Variants in FASTKD2 observed in about 807,000 individuals in gnomAD.
FASTKD2 encodes FAST kinase domains 2, also known as FAST kinase domain-containing protein 2, mitochondrial.
In FASTKD2, 51 loss-of-function variants were observed where a neutral mutation model predicts 63.6. The observed-to-expected ratio is 0.80, with a 90% CI of 0.64 to 1.01. The LOEUF is 1.01. Among genes scored for constraint, FASTKD2 ranks in the 50% least tolerant of loss-of-function variants. The pLI, the probability that FASTKD2 is intolerant of heterozygous loss-of-function variation, is 0.00. For synonymous variants in FASTKD2, 284 were observed against 293.4 expected, an observed-to-expected ratio of 0.97 and a Z score of 0.33; for missense variants, 786 against 831.1, an observed-to-expected ratio of 0.95 and a Z score of 0.67.
At chr2:206,790,910 T>G in intron 11 of FASTKD2, 2 of 509,202 alleles carry the variant, frequency 3.9e-6, no homozygotes, top group Middle Eastern at 5.6e-4. Context: ...ACAAATGTTG[T>G]TCTGGTCAGC....
chr2:206,785,251 A>T (rs775386800), intron 7 of FASTKD2, among the ~76,000 whole-genome samples: 2 of 152,218 alleles, frequency 1.3e-5, no homozygotes, highest in Non-Finnish European at 2.9e-5. Flanking sequence ...AGGAGCTACA[A>T]TTCAAAATGA....
Position 206,782,863 on chromosome 2 carries a change from G to T in FASTKD2, c.1428-3870G>T, listed in dbSNP as rs1238389210. ...ATCTATGTCAAGTTCTTATGACAAT[G>T]CCCAGCACATAGTAATTTTTAGATT... On this transcript the variant is annotated intron_variant, in intron 7 of 11. Transcript: ENST00000402774. Among the ~76,000 whole-genome samples the T allele has an allele frequency of 3.3e-5, 5 of 152,190 alleles. No homozygotes were observed. In the South Asian group the frequency reaches 8.3e-4, roughly 25 times the overall value.
Position 206,766,780 on chromosome 2 carries a change from A to C in FASTKD2, c.87A>C (p.Arg29Ser). The change falls in exon 2 of 12, where the codon AGA (arginine) becomes AGC (serine). Residue 29 changes from arginine to serine, a missense_variant. Coordinates refer to ENST00000402774, the MANE Select transcript of FASTKD2 (RefSeq NM_001136193.2). ...CGGGCTCCTTTTTCTGGAACCTTAG[A>C]CAATTCAGTACATTAGTTTCAACAA... Reference protein sequence around the residue: ...NKAGSFFWNLRQFSTLVSTSR... With the variant: ...NKAGSFFWNLSQFSTLVSTSR... 6.2e-7 allele frequency: 1 copy of C among 1,613,710 alleles called. No individual in the cohort carries two copies. Among genetic ancestry groups the C allele is most frequent in the Non-Finnish European group, 8.5e-7 (1 of 1,179,814 alleles).
At position 206,765,637 on chromosome 2, in the gene FASTKD2, A is replaced by T; in HGVS notation, c.-161A>T. On this transcript the variant is annotated 5_prime_UTR_variant, in exon 1 of 12. Coordinates refer to ENST00000402774, the MANE Select transcript of FASTKD2 (RefSeq NM_001136193.2). ...GTCATGGCTGCTCCTGTACGTAGTC[A>T]CGGTCTTGTGCTCTAAGGTGAGTGG... 4.5e-6 allele frequency: 3 copies of T among 670,626 alleles called. No individual in the cohort carries two copies. The highest frequency in any genetic ancestry group is 5.7e-6 in the Non-Finnish European group (3 of 529,368). 41.5% of individuals were successfully genotyped at this position (670,626 alleles called of 1,614,324 possible).
At position 206,791,908 on chromosome 2, in the gene FASTKD2, G is replaced by A. The variant is rs568352451; in HGVS notation, c.*106G>A. 1 of 975,710 alleles carries A rather than the reference G, an allele frequency of 1.0e-6. No homozygotes were observed. The highest frequency in any genetic ancestry group is 1.6e-5 in the African/African-American group (1 of 61,696). 60.4% of individuals were successfully genotyped at this position (975,710 alleles called of 1,614,324 possible). On this transcript the variant is annotated 3_prime_UTR_variant, in exon 12 of 12. Coordinates refer to ENST00000402774, the MANE Select transcript of FASTKD2 (RefSeq NM_001136193.2). Reference sequence around the variant, plus strand: ...TGAGCTATCTGCTAAGACAAAAAATGTTACCTCAGTTCACTATTAAAATTA... The same window carrying A: ...TGAGCTATCTGCTAAGACAAAAAATATTACCTCAGTTCACTATTAAAATTA...
chr2:206,781,099 A>G (rs1379285139), intron 7 of FASTKD2, among the ~76,000 whole-genome samples: 1 of 151,846 alleles, frequency 6.6e-6, no homozygotes, highest in African/African-American at 2.4e-5. Context: ...CATCTCTTTA[A>G]TGTTGATTAC....
Position 206,774,389 on chromosome 2 carries a change from G to T in FASTKD2, c.1419G>T (p.Gln473His). The T allele has an allele frequency of 6.3e-7, 1 of 1,591,450 alleles. No homozygotes were observed. Among genetic ancestry groups the T allele is most frequent in the South Asian group, 1.1e-5 (1 of 89,552 alleles). ...CTCTCAATCATGTCTACAAATGCCA[G>T]AACAAAGAGTATGTACTTGTTTTTT... ...YSSLNHVYKC[Q>H]NKEQFVEVMA... is the part of the protein sequence containing the mutation. The change falls in exon 7 of 12, where the codon CAG becomes CAT. Residue 473 changes from glutamine (Q) to histidine (H), a missense_variant. Gln to His is a conservative substitution (Grantham distance 24, BLOSUM62 0). Transcript: ENST00000402774.
chr2:206,785,559 C>T (rs938759836), intron 7 of FASTKD2, among the ~76,000 whole-genome samples: 2 of 152,128 alleles, frequency 1.3e-5, no homozygotes, highest in Non-Finnish European at 1.5e-5. Flanking sequence ...GCATGAGGTA[C>T]AGGGTGAGGA....
intron 7 of FASTKD2, among the ~76,000 whole-genome samples, chr2:206,778,102 A>AGTCTT (rs1223659455): frequency 6.6e-6 from 1 of 151,934 alleles, no homozygotes; most frequent in Non-Finnish European, 1.5e-5. Context: ...CATAAACCCA[A>AGTCTT]GTCTTCGTTT....
intron 7 of FASTKD2, among the ~76,000 whole-genome samples, chr2:206,785,969 C>T (rs1388725868): frequency 6.6e-6 from 1 of 152,188 alleles, no homozygotes; most frequent in African/African-American, 2.4e-5. Flanking sequence ...AAATCTTCTT[C>T]CCTTATTCCA....
chr2:206,782,012 C>A (rs551301820), intron 7 of FASTKD2, among the ~76,000 whole-genome samples: 1 of 152,308 alleles, frequency 6.6e-6, no homozygotes, highest in South Asian at 2.1e-4. Flanking sequence ...TTCTCTCAAT[C>A]TCTCAGAGCT....
Position 206,766,656 on chromosome 2 carries a change from A to C in FASTKD2, c.-38A>C. The C allele has an allele frequency of 6.4e-7, 1 of 1,559,962 alleles. No homozygotes were observed. The highest frequency in any genetic ancestry group is 8.8e-7 in the Non-Finnish European group (1 of 1,130,860). ...TCTTCCCCTACAGGAAAACGACAGC[A>C]CGTGTTCTTTTTCACTAGTAGAAGT... is the stretch of plus-strand genomic sequence containing the variant. On this transcript the variant is annotated 5_prime_UTR_variant, in exon 2 of 12. Coordinates refer to ENST00000402774, the MANE Select transcript of FASTKD2 (RefSeq NM_001136193.2).
chr2:206,780,568 G>A (rs1689945579), intron 7 of FASTKD2, among the ~76,000 whole-genome samples: 1 of 152,114 alleles, frequency 6.6e-6, no homozygotes, highest in Non-Finnish European at 1.5e-5. Flanking sequence ...TTGACAGTTT[G>A]ATTACAATGT....
intron 10 of FASTKD2, chr2:206,789,774 C>G (rs935927643): frequency 2.6e-5 from 4 of 152,344 alleles, no homozygotes; most frequent in Middle Eastern, 6.8e-3. Context: ...CTACCCATCT[C>G]CCCTCAGAAG....
At chr2:206,778,814 C>T (rs889509493) in intron 7 of FASTKD2, among the ~76,000 whole-genome samples, 2 of 151,950 alleles carry the variant, frequency 1.3e-5, no homozygotes, top group Non-Finnish European at 2.9e-5. Flanking sequence ...TTCTCATAGG[C>T]GCGTGAACCC....
intron 3 of FASTKD2, among the ~76,000 whole-genome samples, chr2:206,770,774 T>G (rs1229988539): frequency 6.6e-6 from 1 of 150,938 alleles, no homozygotes; most frequent in Non-Finnish European, 1.5e-5. Flanking sequence ...TAGGAGAGAA[T>G]TGATATGTAT....
chr2:206,768,472 A>G (rs371367347), intron 2 of FASTKD2, among the ~76,000 whole-genome samples: 27 of 152,306 alleles, frequency 1.8e-4, no homozygotes, highest in Non-Finnish European at 3.2e-4. Context: ...AGGCCAAGGC[A>G]GGAGGATCTC....
At position 206,767,301 on chromosome 2, in the gene FASTKD2, A is replaced by G. The variant is rs1445744737; in HGVS notation, c.608A>G (p.Glu203Gly). The G allele has an allele frequency of 1.2e-6, 2 of 1,614,218 alleles. No homozygotes were observed. The highest frequency in any genetic ancestry group is 1.1e-5 in the South Asian group (1 of 91,084). The change falls in exon 2 of 12, where the codon GAA (glutamate) becomes GGA (glycine). Residue 203 changes from glutamate to glycine, a missense_variant. Coordinates refer to ENST00000402774, the MANE Select transcript of FASTKD2 (RefSeq NM_001136193.2). Reference sequence around the variant, plus strand: ...CTGTCTGATGACCAGAAGCGCTTTGAAAAACGACTGATGTTTAGCCACCCT... The same window carrying G: ...CTGTCTGATGACCAGAAGCGCTTTGGAAAACGACTGATGTTTAGCCACCCT... ...KRLSDDQKRFEKRLMFSHPAF... is the reference protein window; with the variant it reads ...KRLSDDQKRFGKRLMFSHPAF...
intron 2 of FASTKD2, among the ~76,000 whole-genome samples, chr2:206,769,369 G>T (rs1689606423): frequency 6.6e-6 from 1 of 152,146 alleles, no homozygotes; most frequent in Non-Finnish European, 1.5e-5. Context: ...TCTCTCTTCA[G>T]GCTAAGTTTC....
Sources: gnomAD v4.1 joint callset for allele counts (sites outside exome capture counted in the v4.1 genomes callset) on GRCh38, gnomAD v4.1.1 for gene constraint, MANE v1.5 for transcripts, NCBI Gene and HGNC (gene_info 2026-07-23, HGNC 2026-07-21) for gene names.